PDE7B: variants seen among roughly 807,000 people sequenced by gnomAD.
The protein encoded by PDE7B is phosphodiesterase 7B, also known as 3',5'-cyclic-AMP phosphodiesterase 7B.
A neutral mutation model predicts 56.2 loss-of-function variants in PDE7B; 29 were observed. The ratio of observed to expected loss-of-function variants is 0.52; its 90% CI spans 0.38 to 0.70. PDE7B has a LOEUF of 0.70. PDE7B is among the 30% of genes least tolerant of loss of function. PDE7B has a pLI of 0.00. For missense variants in PDE7B, 490 were observed against 565.0 expected, an observed-to-expected ratio of 0.87 and a Z score of 1.35; for synonymous variants, 197 against 196.9, an observed-to-expected ratio of 1.00 and a Z score of 0.00.
intron 12 of PDE7B, 63 bp from the exon 13 acceptor site, chr6:136,191,551 G>C: frequency 2.2e-6 from 3 of 1,364,426 alleles, no homozygotes; most frequent in Non-Finnish European, 3.1e-6. Context: ...AGTCATGCTC[G>C]GGAGGGAGTA....
intron 2 of PDE7B, among the ~76,000 whole-genome samples, chr6:135,962,302 A>G (rs1049694955): frequency 6.6e-6 from 1 of 152,176 alleles, no homozygotes; most frequent in African/African-American, 2.4e-5. Flanking sequence ...TCTAGGAATG[A>G]AACAGCAGTG....
intron 1 of PDE7B, among the ~76,000 whole-genome samples, chr6:135,924,123 G>C (rs1389054673): frequency 6.6e-6 from 1 of 152,118 alleles, no homozygotes; most frequent in African/African-American, 2.4e-5. Context: ...TTCTAGACCT[G>C]TGTTTTACAG....
chr6:135,906,452 T>C (rs1459954504), intron 1 of PDE7B, among the ~76,000 whole-genome samples: 1 of 152,184 alleles, frequency 6.6e-6, no homozygotes, highest in African/African-American at 2.4e-5. Context: ...GAGGTCTCAG[T>C]CTTCTGAACA....
intron 1 of PDE7B, among the ~76,000 whole-genome samples, chr6:135,928,503 A>ATATATATATATATTTATATATATATT (rs1774238168): frequency 2.9e-5 from 3 of 102,814 alleles, no homozygotes; most frequent in African/African-American, 1.1e-4. Context: ...ATATATATTT[A>ATATATATATATATTTATATATATATT]TATATATATA....
chr6:135,869,815 A>C (rs1342612250), intron 1 of PDE7B, among the ~76,000 whole-genome samples: 1 of 152,200 alleles, frequency 6.6e-6, no homozygotes, highest in Non-Finnish European at 1.5e-5. Context: ...AGAGAGCAAG[A>C]GCGAAGTCCT....
intron 3 of PDE7B, among the ~76,000 whole-genome samples, chr6:136,134,870 G>C (rs1778185757): frequency 6.6e-6 from 1 of 151,756 alleles, no homozygotes; most frequent in Non-Finnish European, 1.5e-5. Context: ...CAGACAGTCA[G>C]CTAGGAAGGA....
rs141307298 is a variant in PDE7B, at chr6:135,871,280, G to T, written c.21+19261G>T. 2.4e-3 allele frequency among the ~76,000 whole-genome samples: 359 copies of T among 152,276 alleles called. 1 individual carries two copies. The highest frequency in any genetic ancestry group is 8.3e-3 in the African/African-American group (346 of 41,566). ...TACAAAGTTGATTAGAACTGAAAAAGAATGTTTCCATGGACACTGTACTAT... is the reference window on the plus strand; with the variant it reads ...TACAAAGTTGATTAGAACTGAAAAATAATGTTTCCATGGACACTGTACTAT... On this transcript the variant is annotated intron_variant, in intron 1 of 12. Transcript: ENST00000308191.
At chr6:135,901,496 G>T (rs971987805) in intron 1 of PDE7B, among the ~76,000 whole-genome samples, 4 of 151,814 alleles carry the variant, frequency 2.6e-5, no homozygotes, top group African/African-American at 9.7e-5. Context: ...ACCTTTTTTT[G>T]CAAGAATAAA....
At chr6:136,069,748 A>G (rs973115157) in intron 2 of PDE7B, among the ~76,000 whole-genome samples, 16 of 152,204 alleles carry the variant, frequency 1.1e-4, no homozygotes, top group African/African-American at 3.1e-4. Flanking sequence ...TAAAATCACA[A>G]TATCTTCATC....
chr6:136,002,412 G>C (rs1396343958), intron 2 of PDE7B, among the ~76,000 whole-genome samples: 1 of 152,112 alleles, frequency 6.6e-6, no homozygotes, highest in Non-Finnish European at 1.5e-5. Context: ...TGAGAAATTG[G>C]ATAAAGAGTC....
At chr6:135,914,681 G>A (rs1433555527) in intron 1 of PDE7B, among the ~76,000 whole-genome samples, 1 of 26,932 alleles carries the variant, frequency 3.7e-5, no homozygotes, top group Non-Finnish European at 5.5e-5. Flanking sequence ...AGTAGAGACG[G>A]GGTTTCACCG....
At chr6:135,853,485 G>A (rs1774972392) in intron 1 of PDE7B, among the ~76,000 whole-genome samples, 1 of 152,174 alleles carries the variant, frequency 6.6e-6, no homozygotes, top group Non-Finnish European at 1.5e-5. Flanking sequence ...TTACTGGCTG[G>A]TGAAACAAAG....
At chr6:136,144,500 A>G (rs932124576) in intron 3 of PDE7B, among the ~76,000 whole-genome samples, 7 of 152,198 alleles carry the variant, frequency 4.6e-5, no homozygotes, top group African/African-American at 1.7e-4. Flanking sequence ...TGTGATGTCA[A>G]CATTCAAGTT....
intron 1 of PDE7B, among the ~76,000 whole-genome samples, chr6:135,888,599 T>C (rs894408001): frequency 5.9e-5 from 9 of 152,010 alleles, no homozygotes; most frequent in Admixed American, 2.0e-4. Context: ...TTTAGAAATA[T>C]AGATCCAAGA....
chr6:136,180,690 G>A (rs487278), intron 10 of PDE7B, among the ~76,000 whole-genome samples: 74,560 of 152,156 alleles, frequency 0.49, 20,970 homozygotes, highest in South Asian at 0.69. Context: ...ACCAGTGTGA[G>A]GCAAGTCAAG....
intron 1 of PDE7B, among the ~76,000 whole-genome samples, chr6:135,913,734 C>T (rs1251507781): frequency 6.6e-6 from 1 of 152,038 alleles, no homozygotes; most frequent in Non-Finnish European, 1.5e-5. Flanking sequence ...TTTGTTATCA[C>T]CTTTGATGTA....
chr6:135,946,031 C>G (rs1487391682), intron 1 of PDE7B, among the ~76,000 whole-genome samples: 2 of 152,030 alleles, frequency 1.3e-5, no homozygotes, highest in East Asian at 1.9e-4. Context: ...ATTTCTTCCC[C>G]CTACCCTAAA....
intron 1 of PDE7B, among the ~76,000 whole-genome samples, chr6:135,853,460 C>G (rs1283892858): frequency 6.6e-6 from 1 of 152,182 alleles, no homozygotes; most frequent in Non-Finnish European, 1.5e-5. Context: ...TCCATTTCCT[C>G]TGCTTTATCT....
At chr6:135,906,977 C>T (rs971781369) in intron 1 of PDE7B, among the ~76,000 whole-genome samples, 4 of 151,874 alleles carry the variant, frequency 2.6e-5, no homozygotes, top group African/African-American at 9.7e-5. Context: ...CCCCTAATTG[C>T]CCACCTACCT....
Sources: gnomAD v4.1 joint callset for allele counts (sites outside exome capture counted in the v4.1 genomes callset) on GRCh38, gnomAD v4.1.1 for gene constraint, MANE v1.5 for transcripts, NCBI Gene and HGNC (gene_info 2026-07-23, HGNC 2026-07-21) for gene names.